Variants in PTPRN2 observed in about 807,000 individuals in gnomAD.
PTPRN2 encodes the protein protein tyrosine phosphatase receptor type N2.
A neutral mutation model predicts 118.8 loss-of-function variants in PTPRN2; 74 were observed. That is an observed-to-expected ratio of 0.62 (90% CI 0.52 to 0.76). The LOEUF is 0.76. PTPRN2 is among the 30% of genes least tolerant of loss of function. The pLI, the probability that PTPRN2 is intolerant of heterozygous loss-of-function variation, is 0.00. For missense variants in PTPRN2, 1,481 were observed against 1,394.4 expected, an observed-to-expected ratio of 1.06 and a Z score of -0.99; for synonymous variants, 641 against 608.0, an observed-to-expected ratio of 1.05 and a Z score of -0.80.
At chr7:158,299,745 T>C (rs1800750662) in intron 3 of PTPRN2, among the ~76,000 whole-genome samples, 2 of 152,186 alleles carry the variant, frequency 1.3e-5, no homozygotes. Flanking sequence ...CATCCTTCAC[T>C]GCCACAGAGC....
In PTPRN2 at chr7:158,565,371, T is replaced by C. The variant is rs1827610387; in HGVS notation, c.112+22187A>G. Among the ~76,000 whole-genome samples, 1 of 152,188 alleles carries C rather than the reference T, an allele frequency of 6.6e-6. No homozygotes were observed. Among genetic ancestry groups the C allele is most frequent in the Non-Finnish European group, 1.5e-5 (1 of 68,040 alleles). On this transcript the variant is annotated intron_variant, in intron 1 of 22. Coordinates refer to ENST00000389418, the MANE Select transcript of PTPRN2 (RefSeq NM_002847.5). This position sits in a 1 kb window ranked among gnomAD's most constrained non-coding sequence, Gnocchi z 4.6. ...TCCCAGGAACTTTGCAAATTACCTC[T>C]CATCCTGAGAGGTGAGACAGAGCCA...
chr7:158,018,959 T>TCAAAAA (rs1563332834), intron 11 of PTPRN2, among the ~76,000 whole-genome samples: 11 of 70,372 alleles, frequency 1.6e-4, no homozygotes, highest in Admixed American at 5.2e-4. Flanking sequence ...AGACTTTGTT[T>TCAAAAA]CAAAAACAAA....
intron 9 of PTPRN2, among the ~76,000 whole-genome samples, chr7:158,122,119 G>A (rs1029531922): frequency 4.6e-5 from 7 of 152,206 alleles, no homozygotes; most frequent in African/African-American, 1.7e-4. Flanking sequence ...CACTAATATT[G>A]CCGTAGAAGA....
intron 11 of PTPRN2, among the ~76,000 whole-genome samples, chr7:158,080,778 C>G (rs560279558): frequency 1.8e-4 from 27 of 152,270 alleles, no homozygotes; most frequent in African/African-American, 6.5e-4. Flanking sequence ...ACCCTGGGCT[C>G]TAAACAGTGA....
At chr7:158,163,048 C>T (rs1229465320) in intron 6 of PTPRN2, among the ~76,000 whole-genome samples, 4 of 152,172 alleles carry the variant, frequency 2.6e-5, no homozygotes, top group Non-Finnish European at 5.9e-5. Flanking sequence ...TAGCTAGGGC[C>T]TCACATCTTC....
At chr7:157,890,898 CAT>C (rs1303604202) in intron 12 of PTPRN2, among the ~76,000 whole-genome samples, 1 of 152,224 alleles carries the variant, frequency 6.6e-6, no homozygotes, top group Non-Finnish European at 1.5e-5. Context: ...CCACCTGAAA[CAT>C]TTAATGTGCC....
At chr7:157,826,798 T>C (rs944334330) in intron 12 of PTPRN2, among the ~76,000 whole-genome samples, 3 of 152,066 alleles carry the variant, frequency 2.0e-5, no homozygotes, top group African/African-American at 7.2e-5. Flanking sequence ...GGGCAGAACA[T>C]GGCTTTAGGA....
intron 4 of PTPRN2, among the ~76,000 whole-genome samples, chr7:158,199,520 T>C (rs2150729217): frequency 6.6e-6 from 1 of 152,310 alleles, no homozygotes. Flanking sequence ...TCGCCTTTAT[T>C]TCATGAATGG....
chr7:158,410,501 C>T (rs1008560368), intron 2 of PTPRN2, among the ~76,000 whole-genome samples: 2 of 152,208 alleles, frequency 1.3e-5, no homozygotes, highest in African/African-American at 2.4e-5. Context: ...AGTTCTGCGA[C>T]TCTGAGGCAT....
intron 10 of PTPRN2, among the ~76,000 whole-genome samples, chr7:158,103,868 AT>A (rs55854700): frequency 1.1e-3 from 169 of 147,130 alleles, no homozygotes; most frequent in African/African-American, 2.5e-3. Flanking sequence ...GATTATTATT[AT>A]TTTTTTTTTT....
At chr7:158,373,442 T>C (rs931409737) in intron 2 of PTPRN2, among the ~76,000 whole-genome samples, 3 of 152,230 alleles carry the variant, frequency 2.0e-5, no homozygotes, top group African/African-American at 7.2e-5. Flanking sequence ...GTTCTGTTGA[T>C]TGAAAGAAAG....
chr7:158,526,302 C>A lies in PTPRN2; in HGVS notation c.113-36517G>T, dbSNP rs747829173. 2.6e-5 allele frequency among the ~76,000 whole-genome samples: 4 copies of A among 152,190 alleles called. No homozygotes were observed. On this transcript the variant is annotated intron_variant, in intron 1 of 22. Coordinates refer to ENST00000389418, the MANE Select transcript of PTPRN2 (RefSeq NM_002847.5). This position sits in a 1 kb window ranked among gnomAD's most constrained non-coding sequence, Gnocchi z 5.2. ...GGCGGCGAAGGGAACTGACACCACTCCTTCCCGGTGAGCTCGGCAGGGCTG... is the reference window on the plus strand; with the variant it reads ...GGCGGCGAAGGGAACTGACACCACTACTTCCCGGTGAGCTCGGCAGGGCTG...
chr7:158,161,176 C>G (rs1033287239), intron 6 of PTPRN2, among the ~76,000 whole-genome samples: 3 of 152,150 alleles, frequency 2.0e-5, no homozygotes, highest in Non-Finnish European at 4.4e-5. Flanking sequence ...AATGAAATCC[C>G]AGTCAAAATC....
chr7:157,545,985 G>A (rs902060004), intron 22 of PTPRN2, among the ~76,000 whole-genome samples: 19 of 152,166 alleles, frequency 1.2e-4, no homozygotes, highest in African/African-American at 4.3e-4. Flanking sequence ...TTTAGTCTCG[G>A]GGCGATGTTG....
intron 3 of PTPRN2, among the ~76,000 whole-genome samples, chr7:158,258,466 G>A (rs896023696): frequency 2.0e-5 from 3 of 152,190 alleles, no homozygotes; most frequent in African/African-American, 4.8e-5. Flanking sequence ...CTGTGAGTAC[G>A]CACTCCATGT....
chr7:157,699,405 T>C (rs1197942505), intron 12 of PTPRN2, among the ~76,000 whole-genome samples: 2 of 152,210 alleles, frequency 1.3e-5, no homozygotes, highest in Admixed American at 1.3e-4. Flanking sequence ...TGAACAAAAA[T>C]TCAGGAAGCA....
rs1585215284 is a variant in PTPRN2, at chr7:158,020,729, G to A, written c.1723+60569C>T. Among the ~76,000 whole-genome samples, 7 of 152,328 alleles carry A rather than the reference G, an allele frequency of 4.6e-5. No homozygotes were observed. The South Asian group carries it at 1.0e-3, about 23-fold the overall frequency. ...TTATGGTAGAAACTGATACAGAAAC[G>A]GAATAGGTAAGAAAGACAAAAGTAG... On this transcript the variant is annotated intron_variant, in intron 11 of 22. Coordinates refer to ENST00000389418, the MANE Select transcript of PTPRN2 (RefSeq NM_002847.5).
At position 158,167,203 on chromosome 7, in the gene PTPRN2, C is replaced by T. The variant is rs1130496; in HGVS notation, c.638G>A (p.Arg213His). 652,635 of 1,612,628 alleles carry T rather than the reference C, an allele frequency of 0.4. 135,075 individuals are homozygous for T. Among genetic ancestry groups the T allele is most frequent in the Middle Eastern group, 0.47 (2,857 of 6,056 alleles). ...GAGGGTCCGCGGCAGGAGGTCCTCG[C>T]GGAGCTGGGTCCGGGACCCGGGAGG... The part of the protein sequence containing the change: ...TYPPGSRTQL[R>H]EDLLPRTLGQ... Residue 213 changes from arginine to histidine, a missense_variant, in exon 6 of 23, where the codon CGC becomes CAC. Physicochemically the swap from Arg to His is conservative, Grantham distance 29. Around this residue, in one of 3 missense-constraint regions of PTPRN2, gnomAD observed 1,115 missense variants for 994.2 expected, o/e 1.12. Coordinates refer to ENST00000389418, the MANE Select transcript of PTPRN2 (RefSeq NM_002847.5).
At chr7:157,793,176 A>G (rs1804632541) in intron 12 of PTPRN2, among the ~76,000 whole-genome samples, 1 of 152,144 alleles carries the variant, frequency 6.6e-6, no homozygotes. Context: ...GGGCTCAGGC[A>G]CAGGCACCCA....
Sources: gnomAD v4.1 joint callset for allele counts (sites outside exome capture counted in the v4.1 genomes callset) on GRCh38, gnomAD v4.1.1 for gene constraint, gnomAD v4.1.1 regional missense constraint, Gnocchi (gnomAD v3.1) non-coding constraint, MANE v1.5 for transcripts, NCBI Gene and HGNC (gene_info 2026-07-23, HGNC 2026-07-21) for gene names.